The following CALHM4 variants were observed in gnomAD, a reference collection of about 807,000 sequenced individuals.
CALHM4 encodes the protein calcium homeostasis modulator family member 4, also known as calcium homeostasis modulator protein 4.
CALHM4 carries 16 observed loss-of-function variants against 13.3 expected under a neutral mutation model. The ratio of observed to expected loss-of-function variants is 1.20; its 90% confidence interval spans 0.81 to 1.82. The LOEUF (loss-of-function observed/expected upper bound fraction) is 1.82, where lower values mean the gene tolerates loss of function less well. Ranked by LOEUF, CALHM4 falls within the 40% of genes most tolerant of loss-of-function variation. The probability of loss-of-function intolerance (pLI) is 0.00; values close to 1 mark genes in which losing one functional copy is unlikely to be tolerated. For missense variants in CALHM4, 344 were observed against 374.9 expected, an observed-to-expected ratio of 0.92 and a Z score of 0.68; for synonymous variants, 127 against 137.1, an observed-to-expected ratio of 0.93 and a Z score of 0.52.
At chr6:116,552,969 G>A (rs563086574), upstream of CALHM4, among the ~76,000 whole-genome samples, 4 of 152,286 alleles carry the variant, frequency 2.6e-5, no homozygotes, top group Admixed American at 2.6e-4. Flanking sequence ...AGCTACTCAC[G>A]AGGCTGAGGC....
chr6:116,539,645 C>T (rs1773308643), intron 1 of CALHM4, among the ~76,000 whole-genome samples: 1 of 152,006 alleles, frequency 6.6e-6, no homozygotes, highest in African/African-American at 2.4e-5. Context: ...GCCATTCATG[C>T]ACAGAGTCAG....
intron 1 of CALHM4, among the ~76,000 whole-genome samples, 155 bp from the exon 2 acceptor site, chr6:116,557,670 C>T (rs887314589): frequency 3.0e-4 from 45 of 152,296 alleles, no homozygotes; most frequent in African/African-American, 1.1e-3. Flanking sequence ...CAAATCATAT[C>T]ATTAGCACGT....
intron 2 of CALHM4, among the ~76,000 whole-genome samples, chr6:116,548,305 C>T (rs906918222): frequency 6.6e-6 from 1 of 152,156 alleles, no homozygotes; most frequent in Non-Finnish European, 1.5e-5. Context: ...TCTTGTACTT[C>T]CCAACCTCCA....
chr6:116,540,720 G>C lies in CALHM4; in HGVS notation c.-108-3045G>C, dbSNP rs9372465. Among the ~76,000 whole-genome samples, 104,981 of 151,838 alleles carry C rather than the reference G, an allele frequency of 0.69. 36,596 individuals are homozygous for C. The highest frequency in any genetic ancestry group is 0.89 in the East Asian group (4,602 of 5,160). ...TGCCTAGAATCAAGACTTGCCCAAA[G>C]TTGACAATATAAATTAAAATTAAGG... On this transcript the variant is annotated intron_variant, in intron 1 of 2. Transcript: ENST00000368597.
Position 116,558,765 on chromosome 6 carries a change from G to T in CALHM4, c.*554G>T, listed in dbSNP as rs1287340431. The T allele has an allele frequency of 6.6e-6, 1 of 152,208 alleles. No individual in the cohort carries two copies. The highest frequency in any genetic ancestry group is 1.5e-5 in the Non-Finnish European group (1 of 68,168). 9.4% of individuals were successfully genotyped at this position (152,208 alleles called of 1,614,324 possible). ...CCTCTTTCTTCAGACCTAAATATCT[G>T]ACCTTTTGGGAAGCAGGACAGAAAC... On this transcript the variant is annotated 3_prime_UTR_variant, in exon 2 of 2. Coordinates refer to ENST00000368596, the MANE Select transcript of CALHM4 (RefSeq NM_001366078.2).
At chr6:116,557,395 A>G (rs750531623) in intron 1 of CALHM4, among the ~76,000 whole-genome samples, 20 of 152,232 alleles carry the variant, frequency 1.3e-4, no homozygotes, top group Admixed American at 3.9e-4. Context: ...ATTATTATGT[A>G]TCATATCATT....
chr6:116,536,373 C>T (rs1252055048), intron 1 of CALHM4, among the ~76,000 whole-genome samples: 1 of 152,078 alleles, frequency 6.6e-6, no homozygotes, highest in Non-Finnish European at 1.5e-5. Flanking sequence ...TGTCAGAGGC[C>T]TAATGACAGA....
intron 1 of CALHM4, among the ~76,000 whole-genome samples, chr6:116,556,867 A>G (rs1258484160): frequency 6.6e-6 from 1 of 152,142 alleles, no homozygotes; most frequent in Non-Finnish European, 1.5e-5. Context: ...TTATTTGAGG[A>G]CAAGGGAAAT....
At chr6:116,552,970 A>T (rs1774145159), upstream of CALHM4, among the ~76,000 whole-genome samples, 1 of 152,148 alleles carries the variant, frequency 6.6e-6, no homozygotes, top group African/African-American at 2.4e-5. Context: ...GCTACTCACG[A>T]GGCTGAGGCA....
intron 2 of CALHM4, among the ~76,000 whole-genome samples, chr6:116,548,015 A>T (rs1674332159): frequency 2.0e-5 from 3 of 152,180 alleles, no homozygotes; most frequent in Non-Finnish European, 2.9e-5. Context: ...CGGTTGTATG[A>T]TCACCCGCAA....
chr6:116,550,003 TATATATATATATATATATATATACAC>T (rs1431132104), upstream of CALHM4, among the ~76,000 whole-genome samples: 797 of 139,010 alleles, frequency 5.7e-3, 10 homozygotes, highest in African/African-American at 0.021. Context: ...TATATATATA[TATATATATATATATATATATATACAC>T]ACACACACAC....
intron 2 of CALHM4, among the ~76,000 whole-genome samples, chr6:116,544,151 AAG>A (rs141606346): frequency 0.015 from 2,020 of 132,632 alleles, 39 homozygotes; most frequent in African/African-American, 0.034. Flanking sequence ...AAAGGTGAAG[AAG>A]AGAGAGAGAG....
rs771261478 is a variant in CALHM4 at position 116,553,942 on chromosome 6, A to G, written c.149A>G (p.Tyr50Cys). The G allele has an allele frequency of 1.3e-5, 20 of 1,550,466 alleles. No homozygotes were observed. Among genetic ancestry groups the G allele is most frequent in the Middle Eastern group, 3.3e-4 (2 of 6,014 alleles). The stretch of plus-strand genomic sequence containing the variant: ...CCTTGTCAGGTTGGAAAAAATTTCT[A>G]TTATGGTTCTGCTTTTCTTGTCATT... ...SCPCQVGKNF[Y>C]YGSAFLVIPA... The change falls in exon 1 of 2, where the codon TAT (tyrosine) becomes TGT (cysteine). Residue 50 changes from tyrosine (Y) to cysteine (C), a missense_variant. Coordinates refer to ENST00000368596, the MANE Select transcript of CALHM4 (RefSeq NM_001366078.2).
intron 1 of CALHM4, among the ~76,000 whole-genome samples, chr6:116,531,175 G>T (rs1772696630): frequency 6.6e-6 from 1 of 151,878 alleles, no homozygotes; most frequent in Non-Finnish European, 1.5e-5. Context: ...AAGTGACCTA[G>T]CATGAAACTC....
chr6:116,536,915 ATGC>A (rs58771039), intron 1 of CALHM4, among the ~76,000 whole-genome samples: 5,725 of 152,254 alleles, frequency 0.038, 350 homozygotes, highest in African/African-American at 0.13. Flanking sequence ...TAATAAGATA[ATGC>A]TGCCACAGGC....
rs550332806 is a variant in CALHM4, at chr6:116,559,765, C to T, written c.*1554C>T. 7.9e-5 allele frequency among the ~76,000 whole-genome samples: 12 copies of T among 152,172 alleles called. 1 individual carries two copies. Among genetic ancestry groups the T allele is most frequent in the South Asian group, 2.1e-4 (1 of 4,822 alleles). ...CTTAAGGTCTCTTTTACATCAAGTA[C>T]GATTTTTATGTTTATGTTTATATAT... On this transcript the variant is annotated 3_prime_UTR_variant, in exon 2 of 2. Coordinates refer to ENST00000368596, the MANE Select transcript of CALHM4 (RefSeq NM_001366078.2).
At chr6:116,534,897 T>C (rs1450652037) in intron 1 of CALHM4, among the ~76,000 whole-genome samples, 2 of 152,338 alleles carry the variant, frequency 1.3e-5, no homozygotes, top group Admixed American at 6.5e-5. Flanking sequence ...AGTCTTTTTA[T>C]GCTGTATTTA....
chr6:116,530,904 T>C (rs1159480429), intron 1 of CALHM4, among the ~76,000 whole-genome samples: 2 of 26,218 alleles, frequency 7.6e-5, no homozygotes, highest in South Asian at 9.7e-4. Flanking sequence ...GTGAGACTCA[T>C]ATATATATAT....
At chr6:116,533,913 C>T (rs1772907100) in intron 1 of CALHM4, among the ~76,000 whole-genome samples, 1 of 152,152 alleles carries the variant, frequency 6.6e-6, no homozygotes, top group Non-Finnish European at 1.5e-5. Context: ...ATGTGAGTTT[C>T]CTGATTGCAA....
Sources: allele counts gnomAD v4.1 joint callset (sites outside exome capture counted in the v4.1 genomes callset), GRCh38; gene constraint gnomAD v4.1.1; transcripts MANE v1.5; gene names NCBI Gene and HGNC (gene_info 2026-07-23, HGNC 2026-07-21).